Variants in ADGRB3 observed in about 807,000 individuals in gnomAD.
The protein encoded by ADGRB3 is adhesion G protein-coupled receptor B3, also known as brain-specific angiogenesis inhibitor 3.
ADGRB3 carries 37 observed loss-of-function variants against 193.4 expected under a neutral mutation model. The ratio of observed to expected loss-of-function variants is 0.19; its 90% CI spans 0.15 to 0.25. ADGRB3 has a LOEUF of 0.25. Among genes scored for constraint, ADGRB3 ranks in the 10% least tolerant of loss-of-function variants. The pLI, the probability that ADGRB3 is intolerant of heterozygous loss-of-function variation, is 1.00. For missense variants in ADGRB3, 1,637 were observed against 1,852.9 expected, an observed-to-expected ratio of 0.88 and a Z score of 2.14; for synonymous variants, 690 against 644.2, an observed-to-expected ratio of 1.07 and a Z score of -1.08.
intron 17 of ADGRB3, among the ~76,000 whole-genome samples, chr6:69,109,528 T>A (rs1386199093): frequency 6.6e-6 from 1 of 152,240 alleles, no homozygotes; most frequent in Non-Finnish European, 1.5e-5. Context: ...ATTCATTGTC[T>A]TATTTAACTC....
chr6:68,638,741 T>A lies in ADGRB3; in HGVS notation c.66T>A (p.Phe22Leu). The A allele has an allele frequency of 1.9e-6, 3 of 1,614,198 alleles. No individual in the cohort carries two copies. Among genetic ancestry groups the A allele is most frequent in the Non-Finnish European group, 2.5e-6 (3 of 1,180,030 alleles). Residue 22 changes from phenylalanine (F) to leucine (L), a missense_variant, in exon 3 of 32, where the codon TTT (phenylalanine) becomes TTA (leucine). Physicochemically the swap from Phe to Leu is conservative, Grantham distance 22. Coordinates refer to ENST00000370598, the MANE Select transcript of ADGRB3 (RefSeq NM_001704.3). Reference sequence around the variant, plus strand: ...CCTATCTCCTGGTTATGTTTGGATTTAATGCTGCCCAAGACTTCTGGTGTT... The same window carrying A: ...CCTATCTCCTGGTTATGTTTGGATTAAATGCTGCCCAAGACTTCTGGTGTT... Reference protein sequence around the residue: ...FSTYLLVMFGFNAAQDFWCST... With the variant: ...FSTYLLVMFGLNAAQDFWCST...
intron 17 of ADGRB3, among the ~76,000 whole-genome samples, chr6:69,210,818 G>T (rs915928962): frequency 3.9e-5 from 6 of 152,068 alleles, no homozygotes; most frequent in African/African-American, 1.2e-4. Flanking sequence ...CCTAGTCAAT[G>T]AAATATAAGC....
chr6:69,236,729 T>C (rs939119341), intron 19 of ADGRB3, among the ~76,000 whole-genome samples: 2 of 152,024 alleles, frequency 1.3e-5, no homozygotes, highest in Non-Finnish European at 2.9e-5. Flanking sequence ...AGCATATACA[T>C]TGTCAGGATA....
At chr6:69,330,122 T>C (rs552092555) in intron 22 of ADGRB3, among the ~76,000 whole-genome samples, 2 of 152,206 alleles carry the variant, frequency 1.3e-5, no homozygotes, top group African/African-American at 4.8e-5. Flanking sequence ...AAAAATACAC[T>C]GGTCTTGCTT....
intron 30 of ADGRB3, among the ~76,000 whole-genome samples, chr6:69,372,874 A>C (rs563335728): frequency 1.3e-5 from 2 of 151,708 alleles, no homozygotes; most frequent in South Asian, 2.1e-4. Context: ...TACTTGTTTC[A>C]TGTTCTGATT....
At chr6:68,749,406 ATATGTGTGTG>A (rs1050383603) in intron 3 of ADGRB3, among the ~76,000 whole-genome samples, 46 of 101,122 alleles carry the variant, frequency 4.5e-4, no homozygotes, top group African/African-American at 1.8e-3. Context: ...ATATATATAT[ATATGTGTGTG>A]TGTGTGTGTG....
At chr6:69,078,430 T>TTCATAGACA (rs1562149649) in intron 17 of ADGRB3, among the ~76,000 whole-genome samples, 3 of 152,018 alleles carry the variant, frequency 2.0e-5, no homozygotes. Context: ...CGTGTATTCA[T>TTCATAGACA]TCATAGACAT....
chr6:69,018,518 C>T lies in ADGRB3; in HGVS notation c.2107+19C>T. The T allele has an allele frequency of 6.5e-7, 1 of 1,534,890 alleles. No individual in the cohort carries two copies. Among genetic ancestry groups the T allele is most frequent in the Non-Finnish European group, 8.9e-7 (1 of 1,117,536 alleles). The stretch of plus-strand genomic sequence containing the variant: ...AATGTAGGTAAGAAATAGGATTTTC[C>T]CCCAAAATCTTTCTGAAATAAAAAA... On this transcript the variant is annotated intron_variant, in intron 13 of 31. Coordinates refer to ENST00000370598, the MANE Select transcript of ADGRB3 (RefSeq NM_001704.3).
intron 10 of ADGRB3, among the ~76,000 whole-genome samples, chr6:68,990,415 A>G (rs543550006): frequency 7.9e-5 from 12 of 152,138 alleles, no homozygotes; most frequent in Non-Finnish European, 1.6e-4. Flanking sequence ...TTCACCTACA[A>G]TGCCAGGAAG....
chr6:69,025,159 C>G (rs989270806), intron 13 of ADGRB3, among the ~76,000 whole-genome samples: 2 of 151,712 alleles, frequency 1.3e-5, no homozygotes, highest in Non-Finnish European at 2.9e-5. Context: ...GATGAAAATT[C>G]ATAGTTGATG....
chr6:69,347,624 T>C (rs191865118), intron 26 of ADGRB3, among the ~76,000 whole-genome samples: 1 of 151,586 alleles, frequency 6.6e-6, no homozygotes. Flanking sequence ...CAAAAAAAAA[T>C]TTAAAAAACA....
In ADGRB3 at chr6:69,031,550, T is replaced by TTTCTTTCTTTC; in HGVS notation, c.2107+13053_2107+13054insCTTTCTTTCTT. On this transcript the variant is annotated intron_variant, in intron 13 of 31. Coordinates refer to ENST00000370598, the MANE Select transcript of ADGRB3 (RefSeq NM_001704.3). ...CTTTCTTTCTTTCTTTCTTTCTTTCTTTTTCTTTCTTTCTTTTCTTCCTCT... is the reference window on the plus strand; with the variant it reads ...CTTTCTTTCTTTCTTTCTTTCTTTCTTTCTTTCTTTCTTTTCTTTCTTTCTTTTCTTCCTCT... Among the ~76,000 whole-genome samples the TTTCTTTCTTTC allele has an allele frequency of 1.4e-3, 100 of 70,046 alleles. 14 individuals carry two copies. The highest frequency in any genetic ancestry group is 2.4e-3 in the South Asian group (5 of 2,068). The allele number at this position is 70,046 out of a possible 152,430, so 46.0% of individuals were successfully genotyped here.
chr6:68,867,684 A>AAGCCACAG (rs1380343073), intron 3 of ADGRB3, among the ~76,000 whole-genome samples: 3 of 152,204 alleles, frequency 2.0e-5, no homozygotes, highest in Non-Finnish European at 4.4e-5. Context: ...GTAGCCTGCA[A>AAGCCACAG]AGCCACAGGG....
intron 20 of ADGRB3, among the ~76,000 whole-genome samples, chr6:69,258,204 A>T (rs1006065454): frequency 3.9e-5 from 6 of 152,212 alleles, no homozygotes; most frequent in Non-Finnish European, 7.3e-5. Context: ...GAAAAGAAAA[A>T]AATTCCTAGA....
intron 3 of ADGRB3, among the ~76,000 whole-genome samples, chr6:68,690,653 G>T (rs1385092908): frequency 1.3e-5 from 2 of 152,068 alleles, no homozygotes. Context: ...CTAGTTTTAT[G>T]AAATTGCTTA....
chr6:68,864,446 A>G (rs1203549916), intron 3 of ADGRB3, among the ~76,000 whole-genome samples: 1 of 152,196 alleles, frequency 6.6e-6, no homozygotes, highest in African/African-American at 2.4e-5. Flanking sequence ...TTCAGGCCAT[A>G]GTCTTAAAGG....
intron 3 of ADGRB3, among the ~76,000 whole-genome samples, chr6:68,855,081 G>A (rs1764941236): frequency 6.6e-6 from 1 of 152,298 alleles, no homozygotes; most frequent in East Asian, 1.9e-4. Flanking sequence ...CTTGAAAAGA[G>A]CTTCTTCCAG....
intron 3 of ADGRB3, among the ~76,000 whole-genome samples, chr6:68,735,478 T>C (rs945841580): frequency 1.2e-4 from 18 of 152,032 alleles, no homozygotes; most frequent in Admixed American, 6.6e-5. Context: ...AGAAAAGATA[T>C]CTATTAATTT....
At position 69,326,019 on chromosome 6, in the gene ADGRB3, A is replaced by G. The variant is rs150437117; in HGVS notation, c.2965+997A>G. Among the ~76,000 whole-genome samples the G allele has an allele frequency of 2.0e-4, 31 of 152,242 alleles. No individual in the cohort carries two copies. The East Asian group carries it at 6.0e-3, about 29-fold the overall frequency. On this transcript the variant is annotated intron_variant, in intron 21 of 31. Transcript: ENST00000370598. ...GGGTGGACTACCTGAGCGCGGGTGG[A>G]CTACCTGAGCACGGGAGTTCGAGAT...
Sources: allele counts gnomAD v4.1 joint callset (sites outside exome capture counted in the v4.1 genomes callset), GRCh38; gene constraint gnomAD v4.1.1; transcripts MANE v1.5; gene names NCBI Gene and HGNC (gene_info 2026-07-23, HGNC 2026-07-21).